Variants in DOCK3 observed in about 807,000 individuals in gnomAD.
DOCK3 encodes dedicator of cytokinesis 3.
Under a neutral mutation model 265.6 loss-of-function variants are expected in DOCK3, and 60 were observed. That is an observed-to-expected ratio of 0.23 (90% CI 0.18 to 0.28). The LOEUF (loss-of-function observed/expected upper bound fraction) is 0.28. Ranked by LOEUF, DOCK3 falls within the 10% of genes least tolerant of loss-of-function variation. The pLI, the probability that DOCK3 is intolerant of heterozygous loss-of-function variation, is 1.00. For missense variants in DOCK3, 1,981 were observed against 2,594.3 expected, an observed-to-expected ratio of 0.76 and a Z score of 5.14; for synonymous variants, 881 against 938.0, an observed-to-expected ratio of 0.94 and a Z score of 1.11.
intron 21 of DOCK3, among the ~76,000 whole-genome samples, chr3:51,243,181 G>A (rs1456779138): frequency 6.6e-6 from 1 of 152,192 alleles, no homozygotes; most frequent in Non-Finnish European, 1.5e-5. Context: ...GTCAAGCCTA[G>A]GGGGATGGCC....
chr3:50,923,085 A>G (rs2108055764), intron 4 of DOCK3, among the ~76,000 whole-genome samples: 1 of 152,310 alleles, frequency 6.6e-6, no homozygotes, highest in East Asian at 1.9e-4. Flanking sequence ...GTTGCTGTGA[A>G]TGCCATCAAT....
chr3:51,031,632 A>G, intron 5 of DOCK3, among the ~76,000 whole-genome samples: 1 of 152,230 alleles, frequency 6.6e-6, no homozygotes, highest in East Asian at 1.9e-4. Context: ...AGCAGTATTC[A>G]AAATAATGCC....
At chr3:50,719,547 A>G in intron 1 of DOCK3, 1 of 1,255,158 alleles carries the variant, frequency 8.0e-7, no homozygotes, top group South Asian at 1.2e-5. Context: ...GATCTAGAGC[A>G]CTCCATGGCC....
At chr3:50,717,844 C>T (rs558437981) in intron 1 of DOCK3, among the ~76,000 whole-genome samples, 196 of 152,206 alleles carry the variant, frequency 1.3e-3, no homozygotes, top group African/African-American at 3.4e-3. Context: ...AGGCTGGTCT[C>T]GAACTCCTGG....
chr3:50,887,244 A>G (rs1245293361), intron 3 of DOCK3, among the ~76,000 whole-genome samples: 1 of 152,022 alleles, frequency 6.6e-6, no homozygotes, highest in Non-Finnish European at 1.5e-5. Context: ...CCTCTATGCA[A>G]ATAAACTAGA....
intron 10 of DOCK3, among the ~76,000 whole-genome samples, chr3:51,150,322 G>A (rs938552967): frequency 6.6e-6 from 1 of 151,832 alleles, no homozygotes; most frequent in Admixed American, 6.5e-5. Context: ...AGGGTTTTTT[G>A]TGTCTCTGTC....
intron 5 of DOCK3, among the ~76,000 whole-genome samples, chr3:51,051,470 C>T (rs1235481062): frequency 6.6e-6 from 1 of 152,114 alleles, no homozygotes; most frequent in Non-Finnish European, 1.5e-5. Flanking sequence ...ATCACAGAGC[C>T]CTTACTAGGT....
chr3:50,755,792 C>T (rs2040123180), intron 1 of DOCK3, among the ~76,000 whole-genome samples: 1 of 152,092 alleles, frequency 6.6e-6, no homozygotes, highest in Non-Finnish European at 1.5e-5. Flanking sequence ...GCTTCTTTTA[C>T]TTAGCATAGG....
At chr3:50,899,995 A>G (rs1240831723) in intron 4 of DOCK3, among the ~76,000 whole-genome samples, 1 of 151,954 alleles carries the variant, frequency 6.6e-6, no homozygotes, top group Non-Finnish European at 1.5e-5. Context: ...TGGTCTCTGT[A>G]TTTCCTGAAT....
At chr3:51,339,862 A>G (rs1287722297) in intron 37 of DOCK3, among the ~76,000 whole-genome samples, 1 of 152,232 alleles carries the variant, frequency 6.6e-6, no homozygotes, top group Non-Finnish European at 1.5e-5. Flanking sequence ...CTTGTCTGCA[A>G]ACGCTACTGC....
intron 13 of DOCK3, among the ~76,000 whole-genome samples, chr3:51,211,174 C>T (rs2089477602): frequency 6.6e-6 from 1 of 152,078 alleles, no homozygotes; most frequent in Non-Finnish European, 1.5e-5. Flanking sequence ...GGAGGTAGGG[C>T]ACAAGAACAG....
chr3:51,264,907 T>C (rs973264802), intron 23 of DOCK3, among the ~76,000 whole-genome samples: 2 of 151,636 alleles, frequency 1.3e-5, no homozygotes, highest in Non-Finnish European at 2.9e-5. Flanking sequence ...AATTAATTAA[T>C]CTGGAAGCTG....
At chr3:51,375,466 T>C (rs1576986578) in intron 50 of DOCK3, among the ~76,000 whole-genome samples, 1 of 152,168 alleles carries the variant, frequency 6.6e-6, no homozygotes, top group Non-Finnish European at 1.5e-5. Flanking sequence ...CAGGTAGCTA[T>C]GTTCTGTTTC....
intron 12 of DOCK3, among the ~76,000 whole-genome samples, chr3:51,172,262 G>A (rs34242890): frequency 0.019 from 2,809 of 151,016 alleles, 48 homozygotes; most frequent in Non-Finnish European, 0.027. Flanking sequence ...TGCAACCTCC[G>A]CCTCCCGGGT....
chr3:50,675,088 A>T lies in DOCK3; in HGVS notation c.-176A>T. On this transcript the variant is annotated 5_prime_UTR_variant, in exon 1 of 53. Transcript: ENST00000266037. This position sits in a 1 kb window ranked among gnomAD's most constrained non-coding sequence, Gnocchi z 6.1. ...CCACCCGCGGAGCCTCGCGGTCCAG[A>T]CGTGGCGGGGGTGGCGGCGGCATCC... The T allele has an allele frequency of 3.9e-6, 1 of 256,084 alleles. No individual in the cohort carries two copies. Among genetic ancestry groups the T allele is most frequent in the Non-Finnish European group, 6.1e-6 (1 of 162,814 alleles). The allele number at this position is 256,084 out of a possible 1,614,324, so 15.9% of individuals were successfully genotyped here.
chr3:51,173,012 T>C (rs1393159952), intron 12 of DOCK3, among the ~76,000 whole-genome samples: 1 of 152,260 alleles, frequency 6.6e-6, no homozygotes, highest in Non-Finnish European at 1.5e-5. Context: ...GCAATAACTA[T>C]TCTTAATATT....
intron 40 of DOCK3, among the ~76,000 whole-genome samples, chr3:51,353,030 CAA>C (rs1192956681): frequency 2.0e-5 from 3 of 152,170 alleles, no homozygotes; most frequent in Non-Finnish European, 4.4e-5. Context: ...TATTAATCTG[CAA>C]AGAGTCAGGA....
intron 4 of DOCK3, among the ~76,000 whole-genome samples, chr3:50,910,843 A>G (rs151231840): frequency 2.0e-5 from 3 of 152,198 alleles, no homozygotes; most frequent in Non-Finnish European, 4.4e-5. Flanking sequence ...CCTTGATATC[A>G]TGTTAAAACC....
chr3:51,001,710 T>C (rs1270895688), intron 5 of DOCK3, among the ~76,000 whole-genome samples: 2 of 152,236 alleles, frequency 1.3e-5, no homozygotes, highest in Non-Finnish European at 2.9e-5. Context: ...TGTTTTACTT[T>C]ATGAAACTGC....
Sources: gnomAD v4.1 joint callset for allele counts (sites outside exome capture counted in the v4.1 genomes callset) on GRCh38, gnomAD v4.1.1 for gene constraint, Gnocchi (gnomAD v3.1) non-coding constraint, MANE v1.5 for transcripts, NCBI Gene and HGNC (gene_info 2026-07-23, HGNC 2026-07-21) for gene names.